The following PPARGC1A variants were observed in gnomAD, a reference collection of about 807,000 sequenced individuals.
PPARGC1A encodes the protein PPARG coactivator 1 alpha, also known as peroxisome proliferator-activated receptor gamma coactivator 1-alpha.
Under a neutral mutation model 88.7 loss-of-function variants are expected in PPARGC1A, and 25 were observed. The ratio of observed to expected loss-of-function variants is 0.28; its 90% CI spans 0.21 to 0.39. The LOEUF (loss-of-function observed/expected upper bound fraction) is 0.39, where lower values mean the gene tolerates loss of function less well. PPARGC1A is among the 10% of genes least tolerant of loss of function. PPARGC1A has a pLI of 1.00. For synonymous variants in PPARGC1A, 363 were observed against 355.6 expected, an observed-to-expected ratio of 1.02 and a Z score of -0.24; for missense variants, 880 against 968.7, an observed-to-expected ratio of 0.91 and a Z score of 1.22.
chr4:24,045,485 C>G, the PPARGC1A span, among the ~76,000 whole-genome samples: 1 of 152,126 alleles, frequency 6.6e-6, no homozygotes, highest in Non-Finnish European at 1.5e-5. Flanking sequence ...CAGGGCCATG[C>G]TCTCTCTTAA....
the PPARGC1A span, among the ~76,000 whole-genome samples, chr4:24,020,000 A>G: frequency 2.0e-5 from 3 of 152,190 alleles, no homozygotes; most frequent in Admixed American, 2.0e-4. Flanking sequence ...CTCATAGAGA[A>G]ATTATCTCAT....
chr4:23,884,392 G>A (rs1452911820), intron 2 of PPARGC1A: 2 of 300,196 alleles, frequency 6.7e-6, no homozygotes, highest in Non-Finnish European at 1.2e-5. Context: ...TTTATATGAG[G>A]TACCATTTAT....
At chr4:24,009,150 A>AAAGAG in the PPARGC1A span, among the ~76,000 whole-genome samples, 98 of 79,804 alleles carry the variant, frequency 1.2e-3, 1 homozygote, top group Middle Eastern at 7.8e-3. Context: ...AAAAAAAAAA[A>AAAGAG]AGAGAGAGAA....
the PPARGC1A span, among the ~76,000 whole-genome samples, chr4:24,215,591 T>G: frequency 6.6e-6 from 1 of 152,222 alleles, no homozygotes; most frequent in Non-Finnish European, 1.5e-5. Flanking sequence ...TTTGAAATAC[T>G]TATTACGGAA....
At chr4:24,472,128 G>T in the PPARGC1A span, among the ~76,000 whole-genome samples, 1 of 152,206 alleles carries the variant, frequency 6.6e-6, no homozygotes, top group Non-Finnish European at 1.5e-5. The surrounding 1 kb of genome is among the most constrained non-coding windows in gnomAD (Gnocchi z 4.5). Context: ...GGGAGGTGGT[G>T]GGGGAAGGTG....
At chr4:24,310,299 T>C in the PPARGC1A span, among the ~76,000 whole-genome samples, 1 of 152,156 alleles carries the variant, frequency 6.6e-6, no homozygotes, top group Non-Finnish European at 1.5e-5. Context: ...ACCACAAAAA[T>C]GGGAAAGTCA....
At chr4:24,110,260 AG>A in the PPARGC1A span, among the ~76,000 whole-genome samples, 1 of 152,212 alleles carries the variant, frequency 6.6e-6, no homozygotes, top group South Asian at 2.1e-4. Flanking sequence ...ACCCAAATGT[AG>A]TTTAAAACAC....
At chr4:24,071,864 T>G in the PPARGC1A span, among the ~76,000 whole-genome samples, 1 of 152,316 alleles carries the variant, frequency 6.6e-6, no homozygotes, top group South Asian at 2.1e-4. Context: ...TCATGAGAAG[T>G]GTTCCCATTC....
At chr4:23,911,573 G>A in the PPARGC1A span, among the ~76,000 whole-genome samples, 572 of 152,180 alleles carry the variant, frequency 3.8e-3, 4 homozygotes, top group African/African-American at 0.013. Context: ...GCTCTTAAAT[G>A]TTGATAAACT....
chr4:24,091,827 ATGC>A, the PPARGC1A span, among the ~76,000 whole-genome samples: 2 of 151,940 alleles, frequency 1.3e-5, no homozygotes, highest in South Asian at 2.1e-4. Context: ...GGTCATTCTT[ATGC>A]TTGTGGTGTA....
chr4:24,301,763 T>TA, the PPARGC1A span, among the ~76,000 whole-genome samples: 263 of 152,290 alleles, frequency 1.7e-3, no homozygotes, highest in African/African-American at 6.1e-3. Flanking sequence ...TCCATACTTG[T>TA]ATACATTGTA....
At chr4:23,856,584 T>G (rs775915670) in intron 2 of PPARGC1A, among the ~76,000 whole-genome samples, 4 of 152,334 alleles carry the variant, frequency 2.6e-5, no homozygotes, top group Non-Finnish European at 5.9e-5. Context: ...ACTCAGCAAG[T>G]AGCTTAGTCA....
At chr4:24,118,855 T>C in the PPARGC1A span, among the ~76,000 whole-genome samples, 1 of 152,160 alleles carries the variant, frequency 6.6e-6, no homozygotes, top group Non-Finnish European at 1.5e-5. Flanking sequence ...TGAAACATTT[T>C]CTAAGTCACT....
chr4:23,889,334 G>T (rs1294073269), intron 1 of PPARGC1A: 1 of 985,232 alleles, frequency 1.0e-6, no homozygotes, highest in Non-Finnish European at 1.2e-6. Context: ...ACGTATAGGA[G>T]TTTTAAAGGA....
chr4:23,938,022 C>T, the PPARGC1A span, among the ~76,000 whole-genome samples: 1 of 151,968 alleles, frequency 6.6e-6, no homozygotes, highest in South Asian at 2.1e-4. Flanking sequence ...CCAAAAGAAA[C>T]TATCTAATGC....
chr4:24,335,301 CTG>C, the PPARGC1A span, among the ~76,000 whole-genome samples: 2 of 152,142 alleles, frequency 1.3e-5, no homozygotes, highest in African/African-American at 4.8e-5. Context: ...GATGAGGAAA[CTG>C]AGATTCATGG....
intron 2 of PPARGC1A, among the ~76,000 whole-genome samples, chr4:23,865,676 C>A (rs1328136087): frequency 6.6e-6 from 1 of 152,184 alleles, no homozygotes; most frequent in African/African-American, 2.4e-5. Context: ...CTTACCGCAC[C>A]TGGCATAACA....
the PPARGC1A span, among the ~76,000 whole-genome samples, chr4:24,404,212 G>A: frequency 1.3e-5 from 2 of 152,008 alleles, no homozygotes; most frequent in Non-Finnish European, 2.9e-5. Flanking sequence ...GCAGTGAGCC[G>A]AGATCGCGCC....
chr4:24,128,530 CAGTGTGTGTGTGTG>C, the PPARGC1A span, among the ~76,000 whole-genome samples: 1 of 106,796 alleles, frequency 9.4e-6, no homozygotes. Context: ...CAGCCTGTCA[CAGTGTGTGTGTGTG>C]TGTGTGTGTG....
Sources: allele counts gnomAD v4.1 joint callset (sites outside exome capture counted in the v4.1 genomes callset), GRCh38; gene constraint gnomAD v4.1.1; non-coding constraint Gnocchi (gnomAD v3.1); transcripts MANE v1.5; gene names NCBI Gene and HGNC (gene_info 2026-07-23, HGNC 2026-07-21).